The following SIK3 variants were observed in gnomAD, a reference collection of about 807,000 sequenced individuals.
SIK3 encodes SIK family kinase 3.
In SIK3, 28 loss-of-function variants were observed where a neutral mutation model predicts 144.2. That is an observed-to-expected ratio of 0.19 (90% CI 0.14 to 0.27). The LOEUF is 0.27. SIK3 is among the 10% of genes least tolerant of loss of function. SIK3 has a pLI of 1.00. For synonymous variants in SIK3, 686 were observed against 676.3 expected (o/e 1.01, Z -0.22); for missense variants, 1,319 against 1,776.0 (o/e 0.74, Z 4.62).
chr11:116,921,633 T>C (rs1946981371), intron 4 of SIK3, among the ~76,000 whole-genome samples: 1 of 152,180 alleles, frequency 6.6e-6, no homozygotes, highest in East Asian at 1.9e-4. Flanking sequence ...CTTCACAAAG[T>C]GCTGAGATTA....
At chr11:116,961,020 C>A (rs1417615322) in intron 1 of SIK3, among the ~76,000 whole-genome samples, 2 of 152,126 alleles carry the variant, frequency 1.3e-5, no homozygotes, top group African/African-American at 4.8e-5. Flanking sequence ...CTGGCTGCCG[C>A]CAGCTGATGT....
At chr11:117,004,270 G>A (rs1950961866) in intron 1 of SIK3, among the ~76,000 whole-genome samples, 1 of 152,090 alleles carries the variant, frequency 6.6e-6, no homozygotes, top group Admixed American at 6.6e-5. Flanking sequence ...ATCCCAGCAT[G>A]TTGCGAGGCC....
chr11:116,877,487 C>T (rs2134577323), intron 6 of SIK3, among the ~76,000 whole-genome samples: 1 of 152,272 alleles, frequency 6.6e-6, no homozygotes, highest in Admixed American at 6.5e-5. Flanking sequence ...TGTGCAATAC[C>T]CTTCTTCAAA....
chr11:117,006,426 A>C (rs1341179880), intron 1 of SIK3, among the ~76,000 whole-genome samples: 1 of 151,736 alleles, frequency 6.6e-6, no homozygotes, highest in Non-Finnish European at 1.5e-5. Context: ...CCACTTGGAG[A>C]CTACTCAAAA....
chr11:117,004,369 A>G (rs980449273), intron 1 of SIK3, among the ~76,000 whole-genome samples: 3 of 152,062 alleles, frequency 2.0e-5, no homozygotes, highest in African/African-American at 7.2e-5. Flanking sequence ...ACAAAAAATT[A>G]GCCAGGCGTG....
At chr11:116,999,002 G>C (rs987657238) in intron 1 of SIK3, among the ~76,000 whole-genome samples, 1 of 152,154 alleles carries the variant, frequency 6.6e-6, no homozygotes, top group Non-Finnish European at 1.5e-5. Context: ...AATACAGGTA[G>C]CCTCAAGAAC....
At chr11:116,902,957 G>A (rs1032148383) in intron 4 of SIK3, among the ~76,000 whole-genome samples, 1 of 152,048 alleles carries the variant, frequency 6.6e-6, no homozygotes, top group Admixed American at 6.5e-5. Flanking sequence ...AAAGCATATC[G>A]CTGTCTTCTC....
At position 116,957,214 on chromosome 11, in the gene SIK3, C is replaced by A. The variant is rs1591424964; in HGVS notation, c.274-150G>T. On this transcript the variant is annotated intron_variant, in intron 1 of 24. Coordinates refer to ENST00000445177, the MANE Select transcript of SIK3 (RefSeq NM_001366686.3). Reference sequence around the variant, plus strand: ...TGTCAATGAGGAAAATTAATTTACTCTTTTTAAAAAGATAGGAAATGGATT... The same window carrying A: ...TGTCAATGAGGAAAATTAATTTACTATTTTTAAAAAGATAGGAAATGGATT... 15 of 507,908 alleles carry A rather than the reference C, an allele frequency of 3.0e-5. No homozygotes were observed. In the East Asian group the frequency reaches 4.7e-4, roughly 16 times the overall value. The allele number at this position is 507,908 out of a possible 1,614,324, so 31.5% of individuals were successfully genotyped here. A position where few individuals can be genotyped will look rare whatever the true frequency, so the allele number is the denominator to read the frequency against.
intron 1 of SIK3, among the ~76,000 whole-genome samples, chr11:117,038,999 G>A (rs1188001590): frequency 2.0e-5 from 3 of 151,986 alleles, no homozygotes; most frequent in Admixed American, 6.6e-5. Context: ...GCAGGGAGCT[G>A]AGATTGTGCC....
chr11:117,025,024 CTTTT>C (rs1402291660), intron 1 of SIK3, among the ~76,000 whole-genome samples: 1 of 152,126 alleles, frequency 6.6e-6, no homozygotes, highest in Non-Finnish European at 1.5e-5. Flanking sequence ...TTTCCACTTT[CTTTT>C]TGTCCAGTCA....
intron 1 of SIK3, among the ~76,000 whole-genome samples, chr11:116,986,385 T>TAATAA (rs1332677266): frequency 7.9e-5 from 12 of 152,194 alleles, no homozygotes; most frequent in African/African-American, 2.9e-4. Flanking sequence ...GCTGTTCTTG[T>TAATAA]TGTTGTTATT....
chr11:117,040,332 C>G (rs1288786689), intron 1 of SIK3, among the ~76,000 whole-genome samples: 2 of 152,152 alleles, frequency 1.3e-5, no homozygotes, highest in Non-Finnish European at 2.9e-5. Context: ...GCATTTAGAA[C>G]TGTGCTCGTC....
chr11:116,940,572 A>G (rs1404105822), intron 3 of SIK3, among the ~76,000 whole-genome samples: 1 of 151,900 alleles, frequency 6.6e-6, no homozygotes. Flanking sequence ...AAATAATTTG[A>G]TTTGTTCTCT....
At chr11:116,985,606 A>C (rs12287768) in intron 1 of SIK3, among the ~76,000 whole-genome samples, 11,026 of 152,210 alleles carry the variant, frequency 0.072, 493 homozygotes, top group Middle Eastern at 0.11. Context: ...GTATCTTTGG[A>C]AATAACCTTC....
intron 3 of SIK3, among the ~76,000 whole-genome samples, chr11:116,935,373 A>C (rs1947860011): frequency 6.6e-6 from 1 of 152,002 alleles, no homozygotes; most frequent in Admixed American, 6.6e-5. Context: ...TTACAAAAAC[A>C]CTTTTTTTAC....
At chr11:116,978,112 G>A (rs1317745993) in intron 1 of SIK3, among the ~76,000 whole-genome samples, 1 of 152,078 alleles carries the variant, frequency 6.6e-6, no homozygotes, top group Admixed American at 6.6e-5. Context: ...CAGCTACTCA[G>A]GAGGCTGAGG....
chr11:116,928,902 T>C (rs1388150327), intron 3 of SIK3, among the ~76,000 whole-genome samples: 1 of 152,220 alleles, frequency 6.6e-6, no homozygotes, highest in Non-Finnish European at 1.5e-5. Flanking sequence ...GTCATTGTTA[T>C]AGCCAAGATT....
chr11:117,021,928 CAAAAAAAAAAAAAAAAAAAAAA>C (rs71037444), intron 1 of SIK3, among the ~76,000 whole-genome samples: 8,176 of 59,686 alleles, frequency 0.14, 684 homozygotes, highest in African/African-American at 0.27. Flanking sequence ...TCTGTCTCTA[CAAAAAAAAAAAAAAAAAAAAAA>C]AAAAAAAAAA....
chr11:116,862,689 C>T (rs1397896167), intron 16 of SIK3, among the ~76,000 whole-genome samples: 2 of 152,100 alleles, frequency 1.3e-5, no homozygotes, highest in Non-Finnish European at 2.9e-5. Flanking sequence ...CATTTCCTTC[C>T]TCTGAGAGTG....
Sources: gnomAD v4.1 joint callset for allele counts (sites outside exome capture counted in the v4.1 genomes callset) on GRCh38, gnomAD v4.1.1 for gene constraint, MANE v1.5 for transcripts, NCBI Gene and HGNC (gene_info 2026-07-23, HGNC 2026-07-21) for gene names.